Variants in THADA observed in about 807,000 individuals in gnomAD.
The protein encoded by THADA is tRNA (32-2'-O)-methyltransferase regulator THADA.
In THADA, 213 loss-of-function variants were observed where a neutral mutation model predicts 219.8. The ratio of observed to expected loss-of-function variants is 0.97; its 90% confidence interval spans 0.87 to 1.09. THADA has a LOEUF of 1.09. Among genes scored for constraint, THADA ranks in the 50% least tolerant of loss-of-function variants. The pLI is 0.00. For missense variants in THADA, 2,956 were observed against 2,311.3 expected, an observed-to-expected ratio of 1.28 and a Z score of -5.72; for synonymous variants, 1,018 against 828.9, an observed-to-expected ratio of 1.23 and a Z score of -3.92.
intron 29 of THADA, among the ~76,000 whole-genome samples, chr2:43,353,344 C>G (rs1558627434): frequency 6.6e-6 from 1 of 152,000 alleles, no homozygotes; most frequent in East Asian, 1.9e-4. Flanking sequence ...ACGCTTATCT[C>G]TTGTTTTTTG....
intron 29 of THADA, among the ~76,000 whole-genome samples, chr2:43,366,202 T>G (rs1050687663): frequency 6.6e-6 from 1 of 152,228 alleles, no homozygotes; most frequent in Non-Finnish European, 1.5e-5. Flanking sequence ...CACATACATA[T>G]TTAGCAAGTT....
chr2:43,574,054 TAAA>T (rs1699579168), intron 11 of THADA, among the ~76,000 whole-genome samples: 3 of 152,120 alleles, frequency 2.0e-5, no homozygotes, highest in Admixed American at 6.5e-5. Context: ...TACAATAAAA[TAAA>T]TTCAGAACTT....
At chr2:43,561,068 T>C (rs1383734737) in intron 15 of THADA, among the ~76,000 whole-genome samples, 3 of 147,308 alleles carry the variant, frequency 2.0e-5, no homozygotes, top group Non-Finnish European at 4.5e-5. Flanking sequence ...TAGAGTGAAC[T>C]GACATAGAAT....
chr2:43,293,077 A>G lies in THADA; in HGVS notation c.4575T>C (p.Ala1525=). Residue 1525 remains alanine, a synonymous_variant, in exon 32 of 38, where the codon GCT becomes GCC. Coordinates refer to ENST00000405975, the MANE Select transcript of THADA (RefSeq NM_022065.5). ...YLQSLTRLAI[A]AVWAAAAKSG... is the part of the protein sequence containing the mutation. ...TCTTGGCTGCCGCGGCCCACACTGC[A>G]GCAATGGCTAGTCTGGTGAGGCTCT... 6.2e-7 allele frequency: 1 copy of G among 1,613,974 alleles called. No individual in the cohort carries two copies. Among genetic ancestry groups the G allele is most frequent in the Non-Finnish European group, 8.5e-7 (1 of 1,179,870 alleles).
chr2:43,434,747 T>C (rs1213015438), intron 26 of THADA, among the ~76,000 whole-genome samples: 1 of 152,200 alleles, frequency 6.6e-6, no homozygotes, highest in East Asian at 1.9e-4. Flanking sequence ...CCTGGACTAA[T>C]TCTCCAAGCC....
At chr2:43,527,849 A>T (rs750111623) in intron 22 of THADA, 30 bp downstream of exon 22, 1 of 1,492,074 alleles carries the variant, frequency 6.7e-7, no homozygotes, top group East Asian at 2.3e-5. Context: ...TAGTCTTTTT[A>T]AAACGTACAC....
intron 29 of THADA, among the ~76,000 whole-genome samples, chr2:43,379,354 A>G (rs983766570): frequency 1.3e-5 from 2 of 152,228 alleles, no homozygotes; most frequent in African/African-American, 4.8e-5. Context: ...AAAGAAAACA[A>G]GAAGCAAAGA....
At chr2:43,385,784 T>C (rs1254941658) in intron 29 of THADA, among the ~76,000 whole-genome samples, 1 of 151,602 alleles carries the variant, frequency 6.6e-6, no homozygotes, top group Non-Finnish European at 1.5e-5. Flanking sequence ...CTGATCTCTT[T>C]GAAGATTAAC....
chr2:43,463,935 A>C (rs1314772417), intron 26 of THADA, among the ~76,000 whole-genome samples: 3 of 152,222 alleles, frequency 2.0e-5, no homozygotes, highest in Non-Finnish European at 4.4e-5. Flanking sequence ...AGCTAAGAAT[A>C]AACTGATCTC....
chr2:43,435,461 G>A (rs187457034), intron 26 of THADA, among the ~76,000 whole-genome samples: 308 of 150,648 alleles, frequency 2.0e-3, no homozygotes, highest in Non-Finnish European at 2.5e-3. Flanking sequence ...TGGAAGGAAG[G>A]GAGGAAGGAA....
chr2:43,551,825 A>T lies in THADA; in HGVS notation c.2911T>A (p.Ser971Thr). The change falls in exon 19 of 38, where the codon TCC becomes ACC. Residue 971 changes from serine (S) to threonine (T), a missense_variant. Transcript: ENST00000405975. ...TCCATTGGGATGAGGCCTTCAGGGG[A>T]TGAGCTCTGAATGACTGGAGACACC... The part of the protein sequence containing the change: ...TVVSPVIQSS[S>T]PEGLIPMDTD... The T allele has an allele frequency of 6.2e-7, 1 of 1,613,724 alleles. No individual in the cohort carries two copies. The highest frequency in any genetic ancestry group is 8.5e-7 in the Non-Finnish European group (1 of 1,179,806).
chr2:43,390,886 G>A (rs575898768), intron 29 of THADA, among the ~76,000 whole-genome samples: 1 of 152,134 alleles, frequency 6.6e-6, no homozygotes, highest in Non-Finnish European at 1.5e-5. Context: ...ACAACCCGAA[G>A]GCCCCAGATA....
rs1288999847 is a variant in THADA, at chr2:43,433,757, G to A, written c.3837-3455C>T. 1.1e-4 allele frequency among the ~76,000 whole-genome samples: 16 copies of A among 151,794 alleles called. 1 individual carries two copies. The highest frequency in any genetic ancestry group is 6.6e-4 in the Admixed American group (10 of 15,236). ...GGCTGGAGTGCAGTGGTGCAATTTCGGCTCACTGCAACCTCTGCCTCCTAG... is the reference window on the plus strand; with the variant it reads ...GGCTGGAGTGCAGTGGTGCAATTTCAGCTCACTGCAACCTCTGCCTCCTAG... On this transcript the variant is annotated intron_variant, in intron 26 of 37. Transcript: ENST00000405975.
At chr2:43,595,686 G>T in intron 1 of THADA, 1 of 152,502 alleles carries the variant, frequency 6.6e-6, no homozygotes. Context: ...ACACCTTCCT[G>T]GCTGACTCCC....
At chr2:43,531,566 C>CA in intron 21 of THADA, among the ~76,000 whole-genome samples, 1 of 152,226 alleles carries the variant, frequency 6.6e-6, no homozygotes, top group Non-Finnish European at 1.5e-5. Flanking sequence ...ACCAGGCTGA[C>CA]AGCCTCCCAG....
At chr2:43,404,375 CTTT>C (rs905817751) in intron 28 of THADA, among the ~76,000 whole-genome samples, 5 of 130,908 alleles carry the variant, frequency 3.8e-5, no homozygotes, top group Admixed American at 7.7e-5. Flanking sequence ...TTTTTCTTTT[CTTT>C]TTTTTTTTTT....
intron 36 of THADA, among the ~76,000 whole-genome samples, chr2:43,253,220 G>GTTTCCTCC (rs1178252213): frequency 1.3e-5 from 2 of 152,222 alleles, no homozygotes; most frequent in Non-Finnish European, 2.9e-5. Flanking sequence ...AGAACCTGAA[G>GTTTCCTCC]ACGCCTGGGA....
chr2:43,253,650 G>A (rs555317977), intron 36 of THADA, among the ~76,000 whole-genome samples: 48 of 152,134 alleles, frequency 3.2e-4, no homozygotes, highest in African/African-American at 1.1e-3. Flanking sequence ...TGCTACGATG[G>A]CCTAAAAATG....
chr2:43,466,904 C>T (rs1271592519), intron 26 of THADA, among the ~76,000 whole-genome samples: 4 of 152,102 alleles, frequency 2.6e-5, no homozygotes, highest in Non-Finnish European at 4.4e-5. Context: ...CACGGGGGGC[C>T]GGGCACGGTG....
Sources: allele counts gnomAD v4.1 joint callset (sites outside exome capture counted in the v4.1 genomes callset), GRCh38; gene constraint gnomAD v4.1.1; transcripts MANE v1.5; gene names NCBI Gene and HGNC (gene_info 2026-07-23, HGNC 2026-07-21).